Variants in RBFOX1 observed in about 807,000 individuals in gnomAD.
The protein encoded by RBFOX1 is RNA binding fox-1 homolog 1.
In RBFOX1, 8 loss-of-function variants were observed where a neutral mutation model predicts 57.7. The ratio of observed to expected loss-of-function variants is 0.14; its 90% CI spans 0.08 to 0.25. The LOEUF is 0.25. Among genes scored for constraint, RBFOX1 ranks in the 10% least tolerant of loss-of-function variants. The pLI, the probability that RBFOX1 is intolerant of heterozygous loss-of-function variation, is 1.00. For synonymous variants in RBFOX1, 326 were observed against 222.4 expected (o/e 1.47, Z -4.15); for missense variants, 611 against 548.5 (o/e 1.11, Z -1.14).
intron 1 of RBFOX1, among the ~76,000 whole-genome samples, chr16:6,156,218 C>G (rs564645510): frequency 6.6e-6 from 1 of 152,320 alleles, no homozygotes; most frequent in South Asian, 2.1e-4. Context: ...CACACATGAA[C>G]TAATGCAGGA....
At chr16:6,020,094 T>G in intron 1 of RBFOX1, 102 bp downstream of exon 1, 3 of 1,266,406 alleles carry the variant, frequency 2.4e-6, no homozygotes, top group Middle Eastern at 2.1e-4. Flanking sequence ...AGAACTGGCC[T>G]CCTCCTAGCG....
At chr16:7,077,973 G>C (rs541011652) in intron 4 of RBFOX1, among the ~76,000 whole-genome samples, 9 of 152,266 alleles carry the variant, frequency 5.9e-5, no homozygotes, top group African/African-American at 2.2e-4. Flanking sequence ...CAAGGGCTGT[G>C]CTGTCTCCTG....
intron 3 of RBFOX1, among the ~76,000 whole-genome samples, chr16:6,683,487 T>C (rs928476057): frequency 6.6e-6 from 1 of 152,228 alleles, no homozygotes; most frequent in East Asian, 1.9e-4. Flanking sequence ...AATATATACA[T>C]GCATCCAAAA....
Position 6,888,259 on chromosome 16 carries a change from A to G in RBFOX1, c.-15-163798A>G, listed in dbSNP as rs374785799. ...AATGAAAAGAAAATGAAGGACCACA[A>G]TGCTTTATGGGTTTGTGTTTCTGAC... On this transcript the variant is annotated intron_variant, in intron 3 of 15. Transcript: ENST00000550418. Among the ~76,000 whole-genome samples, 22 of 152,308 alleles carry G rather than the reference A, an allele frequency of 1.4e-4. 2 individuals are homozygous for G. Among genetic ancestry groups the G allele is most frequent in the Admixed American group, 7.8e-4 (12 of 15,296 alleles).
intron 4 of RBFOX1, among the ~76,000 whole-genome samples, chr16:7,491,087 C>G (rs116559274): frequency 6.6e-6 from 1 of 152,268 alleles, no homozygotes; most frequent in African/African-American, 2.4e-5. Flanking sequence ...ACCGTACCTG[C>G]ACCCACAAAT....
At chr16:5,867,005 A>G (rs141810600) in intron 3 of RBFOX1, among the ~76,000 whole-genome samples, 3 of 152,340 alleles carry the variant, frequency 2.0e-5, no homozygotes, top group African/African-American at 7.2e-5. Context: ...CATTATCAGT[A>G]CATGGACATT....
chr16:5,428,236 C>A (rs560980606), intron 1 of RBFOX1, among the ~76,000 whole-genome samples: 3 of 152,194 alleles, frequency 2.0e-5, no homozygotes, highest in East Asian at 1.9e-4. Flanking sequence ...CCCAGGCAAA[C>A]CTTGAGAAGC....
intron 4 of RBFOX1, among the ~76,000 whole-genome samples, chr16:7,305,243 C>A (rs951076804): frequency 5.3e-5 from 8 of 151,914 alleles, no homozygotes; most frequent in Non-Finnish European, 1.0e-4. Context: ...TGACACCTTA[C>A]TCTCTGTCTT....
chr16:6,775,229 G>C (rs2079111867), intron 3 of RBFOX1, among the ~76,000 whole-genome samples: 2 of 150,370 alleles, frequency 1.3e-5, no homozygotes, highest in African/African-American at 4.9e-5. Context: ...CCAGCTACTC[G>C]GGAGGCAGGA....
At chr16:6,623,371 C>T (rs1465045106) in intron 2 of RBFOX1, among the ~76,000 whole-genome samples, 3 of 151,848 alleles carry the variant, frequency 2.0e-5, no homozygotes, top group Non-Finnish European at 2.9e-5. Flanking sequence ...AATGACAGCT[C>T]AAGTGTTCTG....
At chr16:6,168,532 A>G (rs1298651588) in intron 1 of RBFOX1, among the ~76,000 whole-genome samples, 1 of 152,178 alleles carries the variant, frequency 6.6e-6, no homozygotes, top group African/African-American at 2.4e-5. Flanking sequence ...ATGGGTTTTG[A>G]TCATTACCGA....
At chr16:5,781,652 G>T (rs1012188579) in intron 3 of RBFOX1, among the ~76,000 whole-genome samples, 2 of 152,232 alleles carry the variant, frequency 1.3e-5, no homozygotes, top group African/African-American at 2.4e-5. Flanking sequence ...AATGGATGTG[G>T]CTGTGTGCCA....
chr16:5,496,745 T>G (rs1423703535), intron 2 of RBFOX1, among the ~76,000 whole-genome samples: 1 of 152,170 alleles, frequency 6.6e-6, no homozygotes, highest in Non-Finnish European at 1.5e-5. Flanking sequence ...TTGTTACATC[T>G]TTATTTGCAA....
At chr16:7,069,916 C>T (rs1432843088) in intron 4 of RBFOX1, among the ~76,000 whole-genome samples, 7 of 152,182 alleles carry the variant, frequency 4.6e-5, no homozygotes, top group Middle Eastern at 3.2e-3. Flanking sequence ...TTCAGGGAAA[C>T]GGAAACTAAA....
At chr16:5,544,912 A>G (rs890350307) in intron 2 of RBFOX1, among the ~76,000 whole-genome samples, 2 of 146,550 alleles carry the variant, frequency 1.4e-5, no homozygotes, top group African/African-American at 5.0e-5. Flanking sequence ...ACTTTCCCAC[A>G]AAGACAAATA....
intron 4 of RBFOX1, among the ~76,000 whole-genome samples, chr16:7,333,472 C>G (rs2096729498): frequency 6.6e-6 from 1 of 152,124 alleles, no homozygotes; most frequent in African/African-American, 2.4e-5. Context: ...AGCTTTAACC[C>G]AGGAAATGAA....
intron 1 of RBFOX1, among the ~76,000 whole-genome samples, chr16:6,101,633 C>G (rs894386161): frequency 3.3e-5 from 5 of 152,160 alleles, no homozygotes. Context: ...ATTACAGGCA[C>G]TGGCCACCAG....
chr16:5,558,187 C>G (rs2045751462), intron 2 of RBFOX1, among the ~76,000 whole-genome samples: 1 of 152,192 alleles, frequency 6.6e-6, no homozygotes, highest in Admixed American at 6.5e-5. Context: ...ATACAGAAGG[C>G]TGTCACACTA....
intron 1 of RBFOX1, among the ~76,000 whole-genome samples, chr16:5,295,912 G>A (rs1256364204): frequency 6.6e-6 from 1 of 152,186 alleles, no homozygotes; most frequent in Non-Finnish European, 1.5e-5. Flanking sequence ...GGACTGTAGT[G>A]CATATTAAAT....
Sources: allele counts gnomAD v4.1 joint callset (sites outside exome capture counted in the v4.1 genomes callset), GRCh38; gene constraint gnomAD v4.1.1; transcripts MANE v1.5; gene names NCBI Gene and HGNC (gene_info 2026-07-23, HGNC 2026-07-21).